The following ZHX1 variants were observed in gnomAD, a reference collection of about 807,000 sequenced individuals.
ZHX1 encodes the protein zinc fingers and homeoboxes protein 1.
A neutral mutation model predicts 61.8 loss-of-function variants in ZHX1; 20 were observed. The ratio of observed to expected loss-of-function variants is 0.32; its 90% CI spans 0.23 to 0.47. ZHX1 has a LOEUF of 0.47. Ranked by LOEUF, ZHX1 falls within the 20% of genes least tolerant of loss-of-function variation. The pLI is 1.00. For synonymous variants in ZHX1, 318 were observed against 352.6 expected (o/e 0.90, Z 1.10); for missense variants, 800 against 1,034.8 (o/e 0.77, Z 3.11).
At chr8:123,252,338 C>T (rs187581064) in intron 3 of ZHX1, 15 of 152,314 alleles carry the variant, frequency 9.8e-5, no homozygotes, top group African/African-American at 3.6e-4. Flanking sequence ...CAATTCCTAA[C>T]TCCAAAGCAG....
Position 123,248,756 on chromosome 8 carries a change from G to C in ZHX1, c.*1568C>G, listed in dbSNP as rs1490933042. ...CCACATTAGCAATGTTTATAAAAGG[G>C]AGCAATTTAATCATTATATTACAGA... On this transcript the variant is annotated 3_prime_UTR_variant, in exon 4 of 4. Coordinates refer to ENST00000395571, the MANE Select transcript of ZHX1 (RefSeq NM_007222.5). The C allele has an allele frequency of 6.6e-6, 1 of 152,064 alleles. No individual in the cohort carries two copies. The highest frequency in any genetic ancestry group is 2.4e-5 in the African/African-American group (1 of 41,302). The allele number at this position is 152,064 out of a possible 1,614,324, so 9.4% of individuals were successfully genotyped here. A position where few individuals can be genotyped will look rare whatever the true frequency, so the allele number is the denominator to read the frequency against.
At position 123,254,587 on chromosome 8, in the gene ZHX1, T is replaced by C. The variant is rs1190050469; in HGVS notation, c.1360A>G (p.Lys454Glu). ...TAAVPTSQSV[K>E]HETALVNPDS... ...GGGTTTACCAATGCAGTTTCATGTT[T>C]GACACTTTGAGAAGTTGGAACTGCT... is the stretch of plus-strand genomic sequence containing the variant. The change falls in exon 3 of 4, where the codon AAA (lysine) becomes GAA (glutamate). Residue 454 changes from lysine (K) to glutamate (E), a missense_variant. Physicochemically the swap from Lys to Glu is moderately conservative, Grantham distance 56. Coordinates refer to ENST00000395571, the MANE Select transcript of ZHX1 (RefSeq NM_007222.5). The surrounding 1 kb of genome is among the most constrained non-coding windows in gnomAD (Gnocchi z 4.1). The C allele has an allele frequency of 1.2e-6, 2 of 1,614,216 alleles. No individual in the cohort carries two copies. Among genetic ancestry groups the C allele is most frequent in the East Asian group, 2.2e-5 (1 of 44,894 alleles).
In ZHX1 at chr8:123,253,622, G is replaced by A. The variant is rs774066196; in HGVS notation, c.2325C>T (p.Leu775=). Residue 775 remains leucine (L), a synonymous_variant, in exon 3 of 4, where the codon CTC becomes CTT. Coordinates refer to ENST00000395571, the MANE Select transcript of ZHX1 (RefSeq NM_007222.5). ...RINNWDRGPS[L]IKFKTGTAIL... ...TTGCAGTTCCAGTTTTAAATTTTAT[G>A]AGTGATGGTCCCCTGTCCCAGTTGT... The A allele has an allele frequency of 8.1e-6, 13 of 1,614,204 alleles. No homozygotes were observed. The highest frequency in any genetic ancestry group is 2.2e-5 in the South Asian group (2 of 91,082).
Position 123,255,200 on chromosome 8 carries a change from C to A in ZHX1, c.747G>T (p.Thr249=). ...VNRIHPSTAS[T]VVTPAAVLPG... ...GAAGAACTGCTGCTGGTGTCACTAC[C>A]GTGCTGGCAGTACTTGGATGTATTC... Residue 249 remains threonine, a synonymous_variant, in exon 3 of 4, where the codon ACG becomes ACT. Transcript: ENST00000395571. 6.2e-7 allele frequency: 1 copy of A among 1,614,124 alleles called. No homozygotes were observed. Among genetic ancestry groups the A allele is most frequent in the Non-Finnish European group, 8.5e-7 (1 of 1,179,998 alleles).
chr8:123,269,917 C>T (rs1826588521), intron 1 of ZHX1, among the ~76,000 whole-genome samples: 1 of 152,186 alleles, frequency 6.6e-6, no homozygotes, highest in African/African-American at 2.4e-5. Flanking sequence ...CATATTAAAT[C>T]ATGCTGGAAC....
intron 2 of ZHX1, among the ~76,000 whole-genome samples, chr8:123,265,463 CGGAATGCCTAAACAGT>C (rs1826425335): frequency 6.6e-6 from 1 of 151,712 alleles, no homozygotes; most frequent in Admixed American, 6.6e-5. Context: ...ACAAAAATCA[CGGAATGCCTAAACAGT>C]ACAAACAAAG....
At chr8:123,270,617 C>CA (rs964665797) in intron 1 of ZHX1, among the ~76,000 whole-genome samples, 225 of 140,702 alleles carry the variant, frequency 1.6e-3, no homozygotes, top group Admixed American at 2.9e-3. Flanking sequence ...CCTATCTCTA[C>CA]AAAAAAAAAA....
chr8:123,261,226 G>T (rs1473843864), intron 2 of ZHX1, among the ~76,000 whole-genome samples: 2 of 152,090 alleles, frequency 1.3e-5, no homozygotes, highest in Non-Finnish European at 2.9e-5. Context: ...GGTATCCTCG[G>T]AATTATTATT....
At chr8:123,267,190 TTAG>T in intron 2 of ZHX1, 80 bp downstream of exon 2, 12 of 1,325,652 alleles carry the variant, frequency 9.1e-6, no homozygotes, top group Non-Finnish European at 1.2e-5. Flanking sequence ...TTTAAAAACT[TTAG>T]ACAAATATAG....
At position 123,253,749 on chromosome 8, in the gene ZHX1, C is replaced by T; in HGVS notation, c.2198G>A (p.Ser733Asn). 6.2e-7 allele frequency: 1 copy of T among 1,614,216 alleles called. No individual in the cohort carries two copies. Reference sequence around the variant, plus strand: ...CCTAAGGGAAGACAGACCATTCATACTACTTGAATTGGCGCTCTGATAGTA... The same window carrying T: ...CCTAAGGGAAGACAGACCATTCATATTACTTGAATTGGCGCTCTGATAGTA... ...YYYYQSANSS[S>N]MNGLSSLRKR... The change falls in exon 3 of 4, where the codon AGT becomes AAT. Residue 733 changes from serine (S) to asparagine (N), a missense_variant. Physicochemically the swap from Ser to Asn is conservative, Grantham distance 46 (BLOSUM62 1). Transcript: ENST00000395571.
intron 2 of ZHX1, among the ~76,000 whole-genome samples, chr8:123,262,299 T>C (rs533823674): frequency 1.4e-4 from 22 of 152,326 alleles, no homozygotes; most frequent in African/African-American, 5.3e-4. Context: ...ATTGATAATC[T>C]TAAGAGTAAT....
Position 123,253,790 on chromosome 8 carries a change from G to A in ZHX1, c.2157C>T (p.Asn719=). The A allele has an allele frequency of 6.2e-7, 1 of 1,614,200 alleles. No homozygotes were observed. Among genetic ancestry groups the A allele is most frequent in the Non-Finnish European group, 8.5e-7 (1 of 1,180,030 alleles). ...GDTRYAWKNG[N]LKWYYYYQSA... is the part of the protein sequence containing the mutation. Reference sequence around the variant, plus strand: ...TCTGATAGTAGTAGTACCATTTCAAGTTTCCATTCTTCCAAGCATAACGGG... The same window carrying A: ...TCTGATAGTAGTAGTACCATTTCAAATTTCCATTCTTCCAAGCATAACGGG... Residue 719 remains asparagine, a synonymous_variant, in exon 3 of 4, where the codon AAC becomes AAT. Coordinates refer to ENST00000395571, the MANE Select transcript of ZHX1 (RefSeq NM_007222.5).
At chr8:123,262,027 G>A (rs901269567) in intron 2 of ZHX1, among the ~76,000 whole-genome samples, 16 of 152,086 alleles carry the variant, frequency 1.1e-4, no homozygotes, top group African/African-American at 3.9e-4. Context: ...ACTAAAAATA[G>A]GGCTCAAAAT....
chr8:123,251,099 C>T (rs1446581638), intron 3 of ZHX1, among the ~76,000 whole-genome samples: 2 of 152,124 alleles, frequency 1.3e-5, no homozygotes, highest in Non-Finnish European at 2.9e-5. Flanking sequence ...GTGGACTTCC[C>T]CTCTGGCTGT....
chr8:123,264,314 A>T (rs992210025), intron 2 of ZHX1, among the ~76,000 whole-genome samples: 1 of 152,166 alleles, frequency 6.6e-6, no homozygotes, highest in Non-Finnish European at 1.5e-5. Context: ...AAAAAAGATT[A>T]AAAATAAGTC....
chr8:123,255,175 G>A lies in ZHX1; in HGVS notation c.772C>T (p.Pro258Ser). The A allele has an allele frequency of 1.2e-6, 2 of 1,614,154 alleles. No individual in the cohort carries two copies. Among genetic ancestry groups the A allele is most frequent in the Non-Finnish European group, 1.7e-6 (2 of 1,180,002 alleles). ...GCAGTTATCACCTGTGCCAATCCAG[G>A]AAGAACTGCTGCTGGTGTCACTACC... ...STVVTPAAVL[P>S]GLAQVITAVS... The change falls in exon 3 of 4, where the codon CCT (proline) becomes TCT (serine). Residue 258 changes from proline to serine, a missense_variant. Physicochemically the swap from Pro to Ser is moderately conservative, Grantham distance 74. Coordinates refer to ENST00000395571, the MANE Select transcript of ZHX1 (RefSeq NM_007222.5).
chr8:123,265,189 CAAA>C (rs34237102), intron 2 of ZHX1, among the ~76,000 whole-genome samples: 3 of 99,602 alleles, frequency 3.0e-5, no homozygotes, highest in Admixed American at 2.2e-4. Context: ...AACTCTGTCT[CAAA>C]AAAAAAAAAA....
chr8:123,272,698 A>G (rs1162365388), intron 1 of ZHX1, among the ~76,000 whole-genome samples: 1 of 152,212 alleles, frequency 6.6e-6, no homozygotes, highest in African/African-American at 2.4e-5. Flanking sequence ...ACTGAGAAAC[A>G]ATGACCAACA....
intron 2 of ZHX1, among the ~76,000 whole-genome samples, chr8:123,259,699 CTG>C (rs1441772619): frequency 6.6e-6 from 1 of 152,190 alleles, no homozygotes; most frequent in East Asian, 1.9e-4. Context: ...TTCCTGGAAT[CTG>C]AGAGAGACTA....
Sources: gnomAD v4.1 joint callset for allele counts (sites outside exome capture counted in the v4.1 genomes callset) on GRCh38, gnomAD v4.1.1 for gene constraint, Gnocchi (gnomAD v3.1) non-coding constraint, MANE v1.5 for transcripts, NCBI Gene and HGNC (gene_info 2026-07-23, HGNC 2026-07-21) for gene names.